The following RET variants were observed in gnomAD, a reference collection of about 807,000 sequenced individuals.
RET encodes the protein proto-oncogene tyrosine-protein kinase receptor Ret.
A neutral mutation model predicts 118.3 loss-of-function variants in RET; 19 were observed. The ratio of observed to expected loss-of-function variants is 0.16; its 90% CI spans 0.11 to 0.24. RET has a LOEUF of 0.24. RET is among the 10% of genes least tolerant of loss of function. RET has a pLI of 1.00. For missense variants in RET, 1,219 were observed against 1,502.1 expected (o/e 0.81, Z 3.12); for synonymous variants, 597 against 644.1 (o/e 0.93, Z 1.11).
At position 43,106,101 on chromosome 10, in the gene RET, C is replaced by T. The variant is rs972480239; in HGVS notation, c.868-275C>T. ...CTGGATGGGACCTGCCAGCAGGGTGCCTGGGCATCGGCTGTAATTCTCCTT... is the reference window on the plus strand; with the variant it reads ...CTGGATGGGACCTGCCAGCAGGGTGTCTGGGCATCGGCTGTAATTCTCCTT... On this transcript the variant is annotated intron_variant, in intron 4 of 19. Transcript: ENST00000355710. This position sits in a 1 kb window ranked among gnomAD's most constrained non-coding sequence, Gnocchi z 5.1. Among the ~76,000 whole-genome samples, 1 of 152,182 alleles carries T rather than the reference C, an allele frequency of 6.6e-6. No individual in the cohort carries two copies. Among genetic ancestry groups the T allele is most frequent in the African/African-American group, 2.4e-5 (1 of 41,428 alleles).
At position 43,113,606 on chromosome 10, in the gene RET, G is replaced by A. The variant is rs746901176; in HGVS notation, c.1810G>A (p.Ala604Thr). The change falls in exon 10 of 20, where the codon GCT becomes ACT. Residue 604 changes from alanine (A) to threonine (T), a missense_variant. By Grantham distance (58) the Ala-to-Thr change is moderately conservative (BLOSUM62 0). Coordinates refer to ENST00000355710, the MANE Select transcript of RET (RefSeq NM_020975.6). ...GCCTGGGGAGCCCCGGGGGATTAAAGCTGGCTATGGCACCTGCAACTGCTT... is the reference window on the plus strand; with the variant it reads ...GCCTGGGGAGCCCCGGGGGATTAAAACTGGCTATGGCACCTGCAACTGCTT... ...HEPGEPRGIK[A>T]GYGTCNCFPE... 6.2e-7 allele frequency: 1 copy of A among 1,612,774 alleles called. No homozygotes were observed. The highest frequency in any genetic ancestry group is 8.5e-7 in the Non-Finnish European group (1 of 1,179,620).
chr10:43,125,451 G>A (rs1838309033), intron 18 of RET, among the ~76,000 whole-genome samples: 1 of 152,186 alleles, frequency 6.6e-6, no homozygotes, highest in South Asian at 2.1e-4. Flanking sequence ...AGAAAAAGGA[G>A]CCAGGAATGG....
At chr10:43,125,050 C>T in intron 18 of RET, 68 bp downstream of exon 18, 1 of 1,465,126 alleles carries the variant, frequency 6.8e-7, no homozygotes, top group Admixed American at 1.7e-5. Flanking sequence ...CACCCCAGGG[C>T]AGTAGTTTTA....
At chr10:43,088,506 G>A (rs1837343678) in intron 1 of RET, among the ~76,000 whole-genome samples, 1 of 152,050 alleles carries the variant, frequency 6.6e-6, no homozygotes, top group African/African-American at 2.4e-5. Context: ...GAAGGTGGAG[G>A]TAATGGTAGT....
chr10:43,077,152 G>C lies in RET; in HGVS notation c.-107G>C, dbSNP rs905665558. On this transcript the variant is annotated 5_prime_UTR_variant, in exon 1 of 20. Transcript: ENST00000355710. ...GCCCCCAGTGTCCGTCGCGTCCGCC[G>C]CGCCCCGGGCGGGGATGGGGCGGCC... 1 of 1,302,746 alleles carries C rather than the reference G, an allele frequency of 7.7e-7. No individual in the cohort carries two copies. Among genetic ancestry groups the C allele is most frequent in the Non-Finnish European group, 9.7e-7 (1 of 1,026,246 alleles). The allele number at this position is 1,302,746 out of a possible 1,614,324, so 80.7% of individuals were successfully genotyped here. A position where few individuals can be genotyped will look rare whatever the true frequency, so the allele number is the denominator to read the frequency against.
chr10:43,104,887 G>A (rs1439226906), intron 3 of RET, 65 bp from the exon 4 acceptor site: 3 of 1,533,430 alleles, frequency 2.0e-6, no homozygotes, highest in Non-Finnish European at 2.6e-6. Context: ...CCCCCTTCCC[G>A]AGGAAAGCGG....
chr10:43,106,403 T>G lies in RET; in HGVS notation c.895T>G (p.Phe299Val), dbSNP rs1837776769. Reference sequence around the variant, plus strand: ...CACCGTGGTGGCCACGCTGCGTGTCTTCGATGCAGACGTGGTACCTGCATC... The same window carrying G: ...CACCGTGGTGGCCACGCTGCGTGTCGTCGATGCAGACGTGGTACCTGCATC... ...EDTVVATLRV[F>V]DADVVPASGE... Residue 299 changes from phenylalanine (F) to valine (V), a missense_variant, in exon 5 of 20, where the codon TTC becomes GTC. Transcript: ENST00000355710. The surrounding 1 kb of genome is among the most constrained non-coding windows in gnomAD (Gnocchi z 5.1). 1 of 1,612,604 alleles carries G rather than the reference T, an allele frequency of 6.2e-7. No individual in the cohort carries two copies. Among genetic ancestry groups the G allele is most frequent in the African/African-American group, 1.3e-5 (1 of 74,884 alleles).
rs756758769 is a variant in RET, at chr10:43,118,464, G to C, written c.2376G>C (p.Gly792=). Reference sequence around the variant, plus strand: ...ACCCACATGTCATCAAATTGTATGGGGCCTGCAGCCAGGATGGTAAGGCCA... The same window carrying C: ...ACCCACATGTCATCAAATTGTATGGCGCCTGCAGCCAGGATGGTAAGGCCA... ...VNHPHVIKLY[G]ACSQDGPLLL... is the part of the protein sequence containing the mutation. Residue 792 remains glycine (G), a synonymous_variant, in exon 13 of 20, where the codon GGG becomes GGC. Coordinates refer to ENST00000355710, the MANE Select transcript of RET (RefSeq NM_020975.6). The C allele has an allele frequency of 6.2e-7, 1 of 1,613,810 alleles. No individual in the cohort carries two copies. Among genetic ancestry groups the C allele is most frequent in the East Asian group, 2.2e-5 (1 of 44,876 alleles).
Position 43,112,106 on chromosome 10 carries a change from C to T in RET, c.1530C>T (p.Ala510=), listed in dbSNP as rs553492964. ...CTTGTCTGCCACCTGCAGATGTGGC[C>T]GAGGAGGCGGGCTGCCCCCTGTCCT... The part of the protein sequence containing the change: ...LLVTVEGSYV[A]EEAGCPLSCA... The change falls in exon 8 of 20, where the codon GCC becomes GCT. Residue 510 remains alanine, a synonymous_variant. Coordinates refer to ENST00000355710, the MANE Select transcript of RET (RefSeq NM_020975.6). 1.8e-5 allele frequency: 29 copies of T among 1,601,406 alleles called. No homozygotes were observed. In the African/African-American group the frequency reaches 2.5e-4, roughly 14 times the overall value.
chr10:43,111,490 G>A (rs753456819), intron 7 of RET, 25 bp downstream of exon 7: 2 of 1,600,080 alleles, frequency 1.2e-6, no homozygotes, highest in African/African-American at 1.3e-5. Flanking sequence ...CAGGGAGGGA[G>A]GGTCGGGGTC....
chr10:43,129,820 A>G lies in RET; in HGVS notation c.*1551A>G, dbSNP rs1219866857. 5.1e-6 allele frequency: 2 copies of G among 395,974 alleles called. No individual in the cohort carries two copies. Among genetic ancestry groups the G allele is most frequent in the Non-Finnish European group, 8.9e-6 (2 of 224,736 alleles). 24.5% of individuals were successfully genotyped at this position (395,974 alleles called of 1,614,324 possible). A position where few individuals can be genotyped will look rare whatever the true frequency, so the allele number is the denominator to read the frequency against. On this transcript the variant is annotated 3_prime_UTR_variant, in exon 20 of 20. Transcript: ENST00000355710. Reference sequence around the variant, plus strand: ...CAGAGGGAGAGTTTGAAAAATGCTTATTGGACACGTAACCTGGCTCTAATT... The same window carrying G: ...CAGAGGGAGAGTTTGAAAAATGCTTGTTGGACACGTAACCTGGCTCTAATT...
chr10:43,125,238 C>G (rs1156403859), intron 18 of RET, among the ~76,000 whole-genome samples: 1 of 152,220 alleles, frequency 6.6e-6, no homozygotes, highest in African/African-American at 2.4e-5. Flanking sequence ...TACAGACAGG[C>G]ATGGGAGGAA....
chr10:43,129,887 A>G lies in RET; in HGVS notation c.*1618A>G, dbSNP rs1838411871. 1 of 398,804 alleles carries G rather than the reference A, an allele frequency of 2.5e-6. No homozygotes were observed. Among genetic ancestry groups the G allele is most frequent in the Non-Finnish European group, 4.4e-6 (1 of 226,006 alleles). 24.7% of individuals were successfully genotyped at this position (398,804 alleles called of 1,614,324 possible). Reference sequence around the variant, plus strand: ...TACACTGTGATAAGTTCTTTTACAAATATCTATAGACATGGTAAACTTTTG... The same window carrying G: ...TACACTGTGATAAGTTCTTTTACAAGTATCTATAGACATGGTAAACTTTTG... On this transcript the variant is annotated 3_prime_UTR_variant, in exon 20 of 20. Coordinates refer to ENST00000355710, the MANE Select transcript of RET (RefSeq NM_020975.6).
intron 12 of RET, 63 bp from the exon 13 acceptor site, chr10:43,118,310 G>C: frequency 7.7e-7 from 1 of 1,302,912 alleles, no homozygotes. Flanking sequence ...TCCTGACCTG[G>C]TATGGTCATG....
intron 1 of RET, among the ~76,000 whole-genome samples, chr10:43,082,731 G>A (rs976887806): frequency 6.6e-6 from 1 of 152,240 alleles, no homozygotes; most frequent in African/African-American, 2.4e-5. Context: ...TCCCTTGTGT[G>A]CCTGTGACTC....
At position 43,105,155 on chromosome 10, in the gene RET, G is replaced by A. The variant is rs1027662469; in HGVS notation, c.829G>A (p.Asp277Asn). ...GGCGCCCACCTTCCCCGCGGGCGTC[G>A]ACACCGCCAGCGCCGTGGTGGAGTT... ...DSAPTFPAGVDTASAVVEFKR... is the reference protein window; with the variant it reads ...DSAPTFPAGVNTASAVVEFKR... Residue 277 changes from aspartate (D) to asparagine (N), a missense_variant, in exon 4 of 20, where the codon GAC becomes AAC. Around this residue, in one of 5 missense-constraint regions of RET, gnomAD observed 850 missense variants for 969.6 expected, o/e 0.88. Transcript: ENST00000355710. 4 of 1,612,628 alleles carry A rather than the reference G, an allele frequency of 2.5e-6. No individual in the cohort carries two copies. Among genetic ancestry groups the A allele is most frequent in the African/African-American group, 2.7e-5 (2 of 74,894 alleles).
chr10:43,083,219 A>G (rs3026732), intron 1 of RET, among the ~76,000 whole-genome samples: 2 of 152,314 alleles, frequency 1.3e-5, no homozygotes, highest in East Asian at 1.9e-4. Context: ...TTGTCTCTGC[A>G]GGAGACTCCT....
chr10:43,102,795 C>G, intron 3 of RET, 166 bp downstream of exon 3: 1 of 806,694 alleles, frequency 1.2e-6, no homozygotes, highest in South Asian at 1.6e-5. Flanking sequence ...AGGTACTGTT[C>G]TAGGAGCTAA....
rs1162472944 is a variant in RET at position 43,102,396 on chromosome 10, C to T, written c.392C>T (p.Ser131Phe). 6.2e-7 allele frequency: 1 copy of T among 1,614,282 alleles called. No homozygotes were observed. The highest frequency in any genetic ancestry group is 2.2e-5 in the East Asian group (1 of 44,884). ...CTCAAGGTCTTCCTGTCACCCACAT[C>T]CCTTCGTGAGGGCGAGTGCCAGTGG... ...VYLKVFLSPT[S>F]LREGECQWPG... The change falls in exon 3 of 20, where the codon TCC (serine) becomes TTC (phenylalanine). Residue 131 changes from serine (S) to phenylalanine (F), a missense_variant. By Grantham distance (155) the Ser-to-Phe change is radical. This residue lies in a region of RET where 84 missense variants were observed against 163.6 expected (regional missense o/e 0.51). Coordinates refer to ENST00000355710, the MANE Select transcript of RET (RefSeq NM_020975.6).
Sources: allele counts gnomAD v4.1 joint callset (sites outside exome capture counted in the v4.1 genomes callset), GRCh38; gene constraint gnomAD v4.1.1; regional missense constraint gnomAD v4.1.1; non-coding constraint Gnocchi (gnomAD v3.1); transcripts MANE v1.5; gene names NCBI Gene and HGNC (gene_info 2026-07-23, HGNC 2026-07-21).